MED25: variants seen among roughly 807,000 people sequenced by gnomAD.
MED25 encodes the protein mediator complex subunit 25, also known as mediator of RNA polymerase II transcription subunit 25.
Under a neutral mutation model 89.4 loss-of-function variants are expected in MED25, and 62 were observed. The ratio of observed to expected loss-of-function variants is 0.69; its 90% CI spans 0.57 to 0.86. The LOEUF (loss-of-function observed/expected upper bound fraction) is 0.86, where lower values mean the gene tolerates loss of function less well. Among genes scored for constraint, MED25 ranks in the 40% least tolerant of loss-of-function variants. The pLI is 0.00. For missense variants in MED25, 905 were observed against 1,005.2 expected (o/e 0.90, Z 1.35); for synonymous variants, 449 against 427.9 (o/e 1.05, Z -0.61).
chr19:49,820,306 G>C (rs1163015544), intron 3 of MED25, among the ~76,000 whole-genome samples: 1 of 152,212 alleles, frequency 6.6e-6, no homozygotes, highest in African/African-American at 2.4e-5. Context: ...TTACAGTGGC[G>C]TGACAGCAGG....
rs1415655660 is a variant in MED25, at chr19:49,830,621, A to AGG, written c.907+25_907+26dup. 1.2e-6 allele frequency: 2 copies of AGG among 1,613,616 alleles called. No individual in the cohort carries two copies. Among genetic ancestry groups the AGG allele is most frequent in the South Asian group, 2.2e-5 (2 of 91,068 alleles). On this transcript the variant is annotated intron_variant, in intron 8 of 17. Coordinates refer to ENST00000312865, the MANE Select transcript of MED25 (RefSeq NM_030973.4). The surrounding 1 kb of genome is among the most constrained non-coding windows in gnomAD (Gnocchi z 4.6). ...GCTGTGAGTCCTGGAGTGAGGATGA[A>AGG]GGGCGGGCAGGGGCCAGGCAGGCCT...
chr19:49,832,480 C>T (rs1342265913), intron 13 of MED25, 65 bp downstream of exon 13: 7 of 1,017,646 alleles, frequency 6.9e-6, no homozygotes, highest in Non-Finnish European at 7.6e-6. Flanking sequence ...TGACCTTTGA[C>T]GGGAATCCCA....
downstream of MED25, chr19:49,838,595 G>C (rs1282212866): frequency 2.2e-6 from 1 of 457,496 alleles, no homozygotes; most frequent in Non-Finnish European, 4.4e-6. Context: ...AAACGAAAGA[G>C]AGAAGGAGAG....
At chr19:49,832,555 G>A (rs1183919965) in intron 13 of MED25, 140 bp downstream of exon 13, 3 of 683,362 alleles carry the variant, frequency 4.4e-6, no homozygotes, top group South Asian at 1.5e-5. Flanking sequence ...TAGGTTCCTC[G>A]CCTTTCTTCT....
At position 49,830,385 on chromosome 19, in the gene MED25, G is replaced by T; in HGVS notation, c.820-126G>T. 1 of 1,159,496 alleles carries T rather than the reference G, an allele frequency of 8.6e-7. No homozygotes were observed. The allele number at this position is 1,159,496 out of a possible 1,614,324, so 71.8% of individuals were successfully genotyped here. A position where few individuals can be genotyped will look rare whatever the true frequency, so the allele number is the denominator to read the frequency against. On this transcript the variant is annotated intron_variant, in intron 7 of 17. Transcript: ENST00000312865. The surrounding 1 kb of genome is among the most constrained non-coding windows in gnomAD (Gnocchi z 4.6). ...TGGAAGCTCATGTGCTGTGTGATGGGTGTTGTGAGCTAAGCTATCCCAGCT... is the reference window on the plus strand; with the variant it reads ...TGGAAGCTCATGTGCTGTGTGATGGTTGTTGTGAGCTAAGCTATCCCAGCT...
intron 3 of MED25, among the ~76,000 whole-genome samples, chr19:49,827,600 A>T (rs143952472): frequency 3.1e-3 from 474 of 152,230 alleles, no homozygotes; most frequent in Middle Eastern, 0.014. Flanking sequence ...GACACCAGCC[A>T]TAGTGGATTA....
chr19:49,836,745 T>C lies in MED25; in HGVS notation c.2147-102T>C. ...ACTAGATGGGGCCAGAAGGTGCTTC[T>C]GTTGGGTCCCCCAAGGGCTGCCTAG... On this transcript the variant is annotated intron_variant, in intron 17 of 17. Transcript: ENST00000312865. The surrounding 1 kb of genome is among the most constrained non-coding windows in gnomAD (Gnocchi z 5.1). The C allele has an allele frequency of 1.1e-6, 1 of 870,370 alleles. No individual in the cohort carries two copies. Among genetic ancestry groups the C allele is most frequent in the Non-Finnish European group, 1.9e-6 (1 of 523,774 alleles). 53.9% of individuals were successfully genotyped at this position (870,370 alleles called of 1,614,324 possible). A position where few individuals can be genotyped will look rare whatever the true frequency, so the allele number is the denominator to read the frequency against.
downstream of MED25, chr19:49,837,123 G>T: frequency 3.0e-6 from 2 of 665,266 alleles, no homozygotes; most frequent in South Asian, 3.4e-5. Flanking sequence ...GTCACAGGCA[G>T]TCTGGTGCAA....
At chr19:49,826,337 C>T (rs940862417) in intron 3 of MED25, among the ~76,000 whole-genome samples, 4 of 152,196 alleles carry the variant, frequency 2.6e-5, no homozygotes, top group African/African-American at 7.2e-5. Flanking sequence ...GAGACTCCGT[C>T]TCAAAAACAA....
chr19:49,831,543 C>A lies in MED25; in HGVS notation c.1230+82C>A. The A allele has an allele frequency of 6.6e-7, 1 of 1,513,366 alleles. No individual in the cohort carries two copies. Among genetic ancestry groups the A allele is most frequent in the East Asian group, 2.3e-5 (1 of 42,656 alleles). 93.7% of individuals were successfully genotyped at this position (1,513,366 alleles called of 1,614,324 possible). On this transcript the variant is annotated intron_variant, in intron 10 of 17. Coordinates refer to ENST00000312865, the MANE Select transcript of MED25 (RefSeq NM_030973.4). The surrounding 1 kb of genome is among the most constrained non-coding windows in gnomAD (Gnocchi z 5.0). ...CATGTAGGACTCATGGGGCCAGATG[C>A]GTGGGGTCTGCAGTGCTGGGTTTGG...
At position 49,835,816 on chromosome 19, in the gene MED25, G is replaced by T. The variant is rs1568625586; in HGVS notation, c.1836G>T (p.Gln612His). The stretch of plus-strand genomic sequence containing the variant: ...AGCCCCAGCCCCAAGGTACTGCCCA[G>T]CCCCCGCCAGGTGCCCCTCAAGGCC... Reference protein sequence around the residue: ...TGQPQPQGTAQPPPGAPQGPP... With the variant: ...TGQPQPQGTAHPPPGAPQGPP... The change falls in exon 16 of 18, where the codon CAG (glutamine) becomes CAT (histidine). Residue 612 changes from glutamine (Q) to histidine (H), a missense_variant. By Grantham distance (24) the Gln-to-His change is conservative. This residue lies in a region of MED25 where 271 missense variants were observed against 258.1 expected (regional missense o/e 1.05). Coordinates refer to ENST00000312865, the MANE Select transcript of MED25 (RefSeq NM_030973.4). This position sits in a 1 kb window ranked among gnomAD's most constrained non-coding sequence, Gnocchi z 6.2. 1.2e-6 allele frequency: 2 copies of T among 1,608,610 alleles called. No individual in the cohort carries two copies. Among genetic ancestry groups the T allele is most frequent in the African/African-American group, 2.7e-5 (2 of 74,816 alleles).
In MED25 at chr19:49,832,991, C is replaced by G. The variant is rs142686013; in HGVS notation, c.1482+576C>G. 4.8e-3 allele frequency: 775 copies of G among 163,116 alleles called. 7 individuals are homozygous for G. Among genetic ancestry groups the G allele is most frequent in the African/African-American group, 0.017 (724 of 41,664 alleles). The allele number at this position is 163,116 out of a possible 1,614,324, so 10.1% of individuals were successfully genotyped here. On this transcript the variant is annotated intron_variant, in intron 13 of 17. Transcript: ENST00000312865. ...TTTGTGTCTGTGCTTATAAGGACATCAGTAATTTTGGATTAGGCCCCATTT... is the reference window on the plus strand; with the variant it reads ...TTTGTGTCTGTGCTTATAAGGACATGAGTAATTTTGGATTAGGCCCCATTT...
Position 49,832,337 on chromosome 19 carries a change from A to T in MED25, c.1404A>T (p.Ser468=). Residue 468 remains serine (S), a synonymous_variant, in exon 13 of 18, where the codon TCA becomes TCT. Coordinates refer to ENST00000312865, the MANE Select transcript of MED25 (RefSeq NM_030973.4). ...LTTLGPLFRN[S]RMVQFHFTNK... is the part of the protein sequence containing the mutation. ...CCCTGGGCCCTTTGTTCCGGAACTC[A>T]AGGATGGTCCAGTTCCATTTCACCA... The T allele has an allele frequency of 6.2e-7, 1 of 1,609,884 alleles. No individual in the cohort carries two copies. Among genetic ancestry groups the T allele is most frequent in the Non-Finnish European group, 8.5e-7 (1 of 1,177,828 alleles).
rs1421913429 is a variant in MED25, at chr19:49,829,554, C to T, written c.526-232C>T. Among the ~76,000 whole-genome samples the T allele has an allele frequency of 2.6e-5, 4 of 152,212 alleles. No homozygotes were observed. The highest frequency in any genetic ancestry group is 4.4e-5 in the Non-Finnish European group (3 of 68,036). ...TCGGTCTCACAAAATCCTGGGATTA[C>T]AGACGTGAGCCTCCACACCTGGCCC... On this transcript the variant is annotated intron_variant, in intron 5 of 17. Coordinates refer to ENST00000312865, the MANE Select transcript of MED25 (RefSeq NM_030973.4). This position sits in a 1 kb window ranked among gnomAD's most constrained non-coding sequence, Gnocchi z 4.6.
Position 49,835,323 on chromosome 19 carries a change from A to T in MED25, c.1674+146A>T. The T allele has an allele frequency of 9.6e-7, 1 of 1,043,338 alleles. No homozygotes were observed. The highest frequency in any genetic ancestry group is 1.5e-6 in the Non-Finnish European group (1 of 682,404). 64.6% of individuals were successfully genotyped at this position (1,043,338 alleles called of 1,614,324 possible). The stretch of plus-strand genomic sequence containing the variant: ...CTAAGTCCCACTCAGATTTTCTTGC[A>T]GTCTCTCTCCTTTTTCAGCATCCAC... On this transcript the variant is annotated intron_variant, in intron 14 of 17. Coordinates refer to ENST00000312865, the MANE Select transcript of MED25 (RefSeq NM_030973.4). This position sits in a 1 kb window ranked among gnomAD's most constrained non-coding sequence, Gnocchi z 6.2.
chr19:49,826,214 A>C (rs1057045609), intron 3 of MED25, among the ~76,000 whole-genome samples: 2 of 151,750 alleles, frequency 1.3e-5, no homozygotes, highest in African/African-American at 4.8e-5. Context: ...GGTGGCGGGC[A>C]CCTGTGGTCC....
rs1260969824 is a variant in MED25, at chr19:49,828,530, G to C, written c.387G>C (p.Lys129Asn). The C allele has an allele frequency of 6.2e-7, 1 of 1,613,826 alleles. No homozygotes were observed. The highest frequency in any genetic ancestry group is 8.5e-7 in the Non-Finnish European group (1 of 1,179,744). The stretch of plus-strand genomic sequence containing the variant: ...CCTTGCAGCTGTTTGATGACTTCAA[G>C]AAGATGCGCGAGCAGATGTGAGTGC... ...STALQLFDDF[K>N]KMREQIGQTH... The change falls in exon 4 of 18, where the codon AAG (lysine) becomes AAC (asparagine). Residue 129 changes from lysine to asparagine, a missense_variant. This residue lies in a region of MED25 where 501 missense variants were observed against 526.9 expected (regional missense o/e 0.95). Coordinates refer to ENST00000312865, the MANE Select transcript of MED25 (RefSeq NM_030973.4).
chr19:49,830,094 G>C lies in MED25; in HGVS notation c.695G>C (p.Gly232Ala), dbSNP rs2074043420. 1 of 1,606,850 alleles carries C rather than the reference G, an allele frequency of 6.2e-7. No homozygotes were observed. Residue 232 changes from glycine (G) to alanine (A), a missense_variant, in exon 7 of 18, where the codon GGT becomes GCT. Transcript: ENST00000312865. This position sits in a 1 kb window ranked among gnomAD's most constrained non-coding sequence, Gnocchi z 4.6. Reference sequence around the variant, plus strand: ...CCATCCCTCCTGCTCTCAGTTGGGGGTGGCTCAGCCCCAGGCCCCCTCCAG... The same window carrying C: ...CCATCCCTCCTGCTCTCAGTTGGGGCTGGCTCAGCCCCAGGCCCCCTCCAG... ...LVRGLVLPVG[G>A]GSAPGPLQSK... is the part of the protein sequence containing the mutation.
chr19:49,828,501 A>G lies in MED25; in HGVS notation c.358A>G (p.Thr120Ala). The change falls in exon 4 of 18, where the codon ACA becomes GCA. Residue 120 changes from threonine (T) to alanine (A), a missense_variant. By Grantham distance (58) the Thr-to-Ala change is moderately conservative (BLOSUM62 0). Transcript: ENST00000312865. The stretch of plus-strand genomic sequence containing the variant: ...CAGCCTCATCGCGGAAGGACTCAGC[A>G]CAGCCTTGCAGCTGTTTGATGACTT... ...SCSLIAEGLSTALQLFDDFKK... is the reference protein window; with the variant it reads ...SCSLIAEGLSAALQLFDDFKK... The G allele has an allele frequency of 1.2e-6, 2 of 1,614,154 alleles. No homozygotes were observed. Among genetic ancestry groups the G allele is most frequent in the Non-Finnish European group, 1.7e-6 (2 of 1,180,018 alleles).
Sources: allele counts gnomAD v4.1 joint callset (sites outside exome capture counted in the v4.1 genomes callset), GRCh38; gene constraint gnomAD v4.1.1; regional missense constraint gnomAD v4.1.1; non-coding constraint Gnocchi (gnomAD v3.1); transcripts MANE v1.5; gene names NCBI Gene and HGNC (gene_info 2026-07-23, HGNC 2026-07-21).